Variants in SLC25A19 observed in about 807,000 individuals in gnomAD.
SLC25A19 encodes the protein mitochondrial thiamine pyrophosphate carrier.
Under a neutral mutation model 27.9 loss-of-function variants are expected in SLC25A19, and 18 were observed. The ratio of observed to expected loss-of-function variants is 0.64; its 90% CI spans 0.45 to 0.96. The LOEUF (loss-of-function observed/expected upper bound fraction) is 0.96. SLC25A19 is among the 40% of genes least tolerant of loss of function. The probability of loss-of-function intolerance (pLI) is 0.00; values close to 1 mark genes in which losing one functional copy is unlikely to be tolerated. For synonymous variants in SLC25A19, 169 were observed against 167.1 expected, an observed-to-expected ratio of 1.01 and a Z score of -0.09; for missense variants, 371 against 418.3, an observed-to-expected ratio of 0.89 and a Z score of 0.99.
chr17:75,282,684 C>T (rs1255067560), intron 5 of SLC25A19, among the ~76,000 whole-genome samples: 1 of 151,298 alleles, frequency 6.6e-6, no homozygotes, highest in Non-Finnish European at 1.5e-5. Context: ...AACCCTGTCT[C>T]TACTAAAAAT....
rs760979430 is a variant in SLC25A19, at chr17:75,283,690, A to G, written c.289-97T>C. Reference sequence around the variant, plus strand: ...ATCACCCGTGACCCGGCTGGGGCCCAGGTGGAGGGGCGAGGAAAAGGTCAG... The same window carrying G: ...ATCACCCGTGACCCGGCTGGGGCCCGGGTGGAGGGGCGAGGAAAAGGTCAG... On this transcript the variant is annotated intron_variant, in intron 4 of 7. Coordinates refer to ENST00000416858, the MANE Select transcript of SLC25A19 (RefSeq NM_001126121.2). The G allele has an allele frequency of 9.7e-5, 118 of 1,221,598 alleles. 1 individual carries two copies. Among genetic ancestry groups the G allele is most frequent in the Non-Finnish European group, 1.3e-4 (106 of 841,792 alleles). The allele number at this position is 1,221,598 out of a possible 1,614,324, so 75.7% of individuals were successfully genotyped here. A position where few individuals can be genotyped will look rare whatever the true frequency, so the allele number is the denominator to read the frequency against.
At chr17:75,288,156 AC>A (rs2078227539) in intron 2 of SLC25A19, 1 of 152,610 alleles carries the variant, frequency 6.6e-6, no homozygotes, top group African/African-American at 2.4e-5. Context: ...AAACAAAAAA[AC>A]AAAACAAAAC....
intron 6 of SLC25A19, among the ~76,000 whole-genome samples, chr17:75,277,731 C>T (rs914980792): frequency 6.6e-6 from 1 of 152,100 alleles, no homozygotes; most frequent in African/African-American, 2.4e-5. Context: ...CAGCTGGAGG[C>T]AACATGGGCC....
intron 7 of SLC25A19, among the ~76,000 whole-genome samples, chr17:75,274,475 G>A (rs929890227): frequency 6.6e-6 from 1 of 152,172 alleles, no homozygotes; most frequent in Non-Finnish European, 1.5e-5. Flanking sequence ...AAGATCTGCC[G>A]TTTAAGGCAC....
chr17:75,280,949 C>CAA lies in SLC25A19; in HGVS notation c.459+2472_459+2473dup, dbSNP rs557623020. Among the ~76,000 whole-genome samples, 643 of 87,850 alleles carry CAA rather than the reference C, an allele frequency of 7.3e-3. 3 individuals carry two copies. The highest frequency in any genetic ancestry group is 0.025 in the African/African-American group (618 of 24,372). The allele number at this position is 87,850 out of a possible 152,430, so 57.6% of individuals were successfully genotyped here. On this transcript the variant is annotated intron_variant, in intron 5 of 7. Transcript: ENST00000416858. Reference sequence around the variant, plus strand: ...GTCTCAAAAACAAACAAACAACAACCAAAAAAAAAAAAAAAAACCAGGAGT... The same window carrying CAA: ...GTCTCAAAAACAAACAAACAACAACCAAAAAAAAAAAAAAAAAAACCAGGAGT...
At chr17:75,276,856 T>G (rs1176460045) in intron 7 of SLC25A19, among the ~76,000 whole-genome samples, 17 of 150,662 alleles carry the variant, frequency 1.1e-4, no homozygotes, top group African/African-American at 2.7e-4. Context: ...TTTGTTTTTT[T>G]TTTTTTTTAG....
In SLC25A19 at chr17:75,273,316, G is replaced by C. The variant is rs947347786; in HGVS notation, c.*135C>G. On this transcript the variant is annotated 3_prime_UTR_variant, in exon 8 of 8. Coordinates refer to ENST00000416858, the MANE Select transcript of SLC25A19 (RefSeq NM_001126121.2). ...GGACCTTCTGGTGGTGTCCCAGCTG[G>C]GTGGGTTCAAGGCTGCTACCCCGCT... 2.3e-6 allele frequency: 2 copies of C among 870,768 alleles called. No individual in the cohort carries two copies. Among genetic ancestry groups the C allele is most frequent in the Admixed American group, 4.4e-5 (2 of 45,790 alleles). The allele number at this position is 870,768 out of a possible 1,614,324, so 53.9% of individuals were successfully genotyped here.
intron 5 of SLC25A19, among the ~76,000 whole-genome samples, chr17:75,282,478 G>A (rs2078062556): frequency 6.6e-6 from 1 of 152,190 alleles, no homozygotes; most frequent in Admixed American, 6.6e-5. Flanking sequence ...GAAATCAGGA[G>A]GCAGAGGTTG....
chr17:75,288,969 T>C (rs949303085), intron 1 of SLC25A19: 3 of 152,184 alleles, frequency 2.0e-5, no homozygotes, highest in African/African-American at 7.2e-5. Context: ...CAAGCCCGAG[T>C]GGCAGGTGTC....
At chr17:75,283,730 G>A in intron 4 of SLC25A19, 137 bp from the exon 5 acceptor site, 1 of 801,026 alleles carries the variant, frequency 1.2e-6, no homozygotes, top group East Asian at 2.7e-5. Context: ...TGTTCTTCTT[G>A]AGCAGTGACA....
chr17:75,283,277 C>A, intron 5 of SLC25A19, 146 bp downstream of exon 5: 1 of 873,060 alleles, frequency 1.1e-6, no homozygotes. Flanking sequence ...CTCCAGCCTG[C>A]ATGACAGAGC....
In SLC25A19 at chr17:75,284,633, C is replaced by CATTTTTTT. The variant is rs776356552; in HGVS notation, c.289-1041_289-1040insAAAAAAAT. Among the ~76,000 whole-genome samples the CATTTTTTT allele has an allele frequency of 4.5e-5, 5 of 112,288 alleles. 1 individual carries two copies. Among genetic ancestry groups the CATTTTTTT allele is most frequent in the Non-Finnish European group, 3.6e-5 (2 of 55,870 alleles). 73.7% of individuals were successfully genotyped at this position (112,288 alleles called of 152,430 possible). ...GTGACCCCCTTACATTCAGATCTTT[C>CATTTTTTT]TTTTTTTTTTTTTTTTTTTTTTTTT... On this transcript the variant is annotated intron_variant, in intron 4 of 7. Transcript: ENST00000416858.
In SLC25A19 at chr17:75,283,569, C is replaced by T. The variant is rs1452055247; in HGVS notation, c.313G>A (p.Glu105Lys). 3.1e-6 allele frequency: 5 copies of T among 1,613,458 alleles called. No homozygotes were observed. The highest frequency in any genetic ancestry group is 3.4e-6 in the Non-Finnish European group (4 of 1,179,794). The change falls in exon 5 of 8, where the codon GAG (glutamate) becomes AAG (lysine). Residue 105 changes from glutamate to lysine, a missense_variant. Coordinates refer to ENST00000416858, the MANE Select transcript of SLC25A19 (RefSeq NM_001126121.2). ...VQFLSFEMLT[E>K]LVHRGSVYDA... ...TACACGCTGCCTCTGTGGACCAGCT[C>T]CGTCAGCATTTCAAATGACAAGAAC...
chr17:75,278,437 G>C, intron 5 of SLC25A19, 102 bp from the exon 6 acceptor site: 2 of 1,294,528 alleles, frequency 1.5e-6, no homozygotes, highest in South Asian at 1.2e-5. Flanking sequence ...CAGCTACCAG[G>C]AGCGAAACTC....
At chr17:75,285,528 G>A (rs2078160979) in intron 4 of SLC25A19, among the ~76,000 whole-genome samples, 1 of 152,258 alleles carries the variant, frequency 6.6e-6, no homozygotes, top group Admixed American at 6.5e-5. Context: ...GTAAGCACCT[G>A]ACTTGGGCGG....
chr17:75,278,459 A>G, intron 5 of SLC25A19, 124 bp from the exon 6 acceptor site: 1 of 1,048,384 alleles, frequency 9.5e-7, no homozygotes, highest in Non-Finnish European at 1.4e-6. Context: ...TCCTGCCAGG[A>G]AGACAGTCAA....
intron 1 of SLC25A19, chr17:75,288,975 G>C (rs2078247974): frequency 6.6e-6 from 1 of 152,322 alleles, no homozygotes; most frequent in Non-Finnish European, 1.5e-5. Context: ...CGAGTGGCAG[G>C]TGTCCTGGAT....
intron 7 of SLC25A19, among the ~76,000 whole-genome samples, chr17:75,276,304 T>C (rs571591179): frequency 6.6e-6 from 1 of 151,992 alleles, no homozygotes; most frequent in African/African-American, 2.4e-5. Context: ...AAAAAATACA[T>C]ATATATATAA....
chr17:75,278,931 T>C (rs1178783300), intron 5 of SLC25A19, among the ~76,000 whole-genome samples: 1 of 151,576 alleles, frequency 6.6e-6, no homozygotes, highest in Non-Finnish European at 1.5e-5. Flanking sequence ...TGCAGTGAGC[T>C]GAGATTGTAC....
Sources: allele counts gnomAD v4.1 joint callset (sites outside exome capture counted in the v4.1 genomes callset), GRCh38; gene constraint gnomAD v4.1.1; transcripts MANE v1.5; gene names NCBI Gene and HGNC (gene_info 2026-07-23, HGNC 2026-07-21).